NDE1: variants seen among roughly 807,000 people sequenced by gnomAD.
NDE1 encodes the protein nuclear distribution protein nudE homolog 1.
In NDE1, 28 loss-of-function variants were observed where a neutral mutation model predicts 43.4. The ratio of observed to expected loss-of-function variants is 0.65; its 90% CI spans 0.48 to 0.89. The LOEUF is 0.89. Among genes scored for constraint, NDE1 ranks in the 40% least tolerant of loss-of-function variants. The pLI, the probability that NDE1 is intolerant of heterozygous loss-of-function variation, is 0.00. For missense variants in NDE1, 441 were observed against 434.1 expected (o/e 1.02, Z -0.14); for synonymous variants, 184 against 172.0 (o/e 1.07, Z -0.55).
Position 15,725,594 on chromosome 16 carries a change from T to C in NDE1, c.*1343T>C. The C allele has an allele frequency of 2.5e-6, 1 of 406,470 alleles. No homozygotes were observed. The allele number at this position is 406,470 out of a possible 1,614,324, so 25.2% of individuals were successfully genotyped here. On this transcript the variant is annotated 3_prime_UTR_variant, in exon 9 of 9. Coordinates refer to ENST00000396354, the MANE Select transcript of NDE1 (RefSeq NM_017668.3). Reference sequence around the variant, plus strand: ...TTAGCCTACCCCTCCATCTCTTCCATTGACAAGGAGGATATGAATGATCTT... The same window carrying C: ...TTAGCCTACCCCTCCATCTCTTCCACTGACAAGGAGGATATGAATGATCTT...
chr16:15,659,714 G>A (rs1167886522), intron 1 of NDE1, among the ~76,000 whole-genome samples: 2 of 149,702 alleles, frequency 1.3e-5, no homozygotes, highest in African/African-American at 5.0e-5. Context: ...TGGGATTACA[G>A]GTGTGAGCCA....
intron 8 of NDE1, among the ~76,000 whole-genome samples, chr16:15,704,376 T>G (rs2039340371): frequency 6.6e-6 from 1 of 152,140 alleles, no homozygotes; most frequent in Non-Finnish European, 1.5e-5. Flanking sequence ...GAGAAGGTTT[T>G]TCAAAGCAAG....
At chr16:15,681,197 T>C (rs1038253259) in intron 4 of NDE1, among the ~76,000 whole-genome samples, 1 of 149,556 alleles carries the variant, frequency 6.7e-6, no homozygotes, top group Non-Finnish European at 1.5e-5. Context: ...AGTTCAATTT[T>C]ATTTTTATTT....
chr16:15,697,064 T>G, intron 8 of NDE1: 2 of 1,487,010 alleles, frequency 1.3e-6, no homozygotes, highest in Non-Finnish European at 1.8e-6. Flanking sequence ...GGTCTTGTTT[T>G]GTGAGACAGG....
intron 4 of NDE1, chr16:15,686,562 C>A: frequency 1.0e-6 from 1 of 984,366 alleles, no homozygotes; most frequent in Non-Finnish European, 1.2e-6. Context: ...CCTGTAATCT[C>A]AGTAACTCAG....
chr16:15,690,999 G>A (rs2038720827), intron 5 of NDE1, 145 bp from the exon 6 acceptor site: 2 of 888,516 alleles, frequency 2.3e-6, no homozygotes, highest in African/African-American at 1.7e-5. Context: ...ATAGAGATGA[G>A]GTTTCACCAT....
chr16:15,677,642 G>A (rs1187275849), intron 3 of NDE1, among the ~76,000 whole-genome samples, 159 bp from the exon 4 acceptor site: 1 of 151,572 alleles, frequency 6.6e-6, no homozygotes, highest in Non-Finnish European at 1.5e-5. Context: ...GGAGTGGAGT[G>A]TTACAGTCAT....
intron 4 of NDE1, among the ~76,000 whole-genome samples, chr16:15,680,924 T>G (rs2038142009): frequency 6.6e-6 from 1 of 152,102 alleles, no homozygotes; most frequent in African/African-American, 2.4e-5. Context: ...CTTTGTCTAT[T>G]GTATCATTTT....
chr16:15,714,906 C>T (rs1486512665), intron 8 of NDE1: 1 of 1,613,696 alleles, frequency 6.2e-7, no homozygotes, highest in Admixed American at 1.7e-5. Flanking sequence ...ACGGGCTCCT[C>T]ACCTGAGCTT....
chr16:15,719,336 C>T (rs766622779), intron 8 of NDE1: 2 of 1,605,900 alleles, frequency 1.2e-6, no homozygotes, highest in Non-Finnish European at 1.7e-6. Context: ...AGGCTGTTGT[C>T]TGCCAGGGAA....
intron 3 of NDE1, 82 bp downstream of exon 3, chr16:15,667,521 C>G: frequency 1.9e-6 from 3 of 1,540,126 alleles, no homozygotes; most frequent in Non-Finnish European, 2.7e-6. Context: ...AGAAGGAACC[C>G]TGCAATGAGG....
At chr16:15,719,035 G>A (rs2040322753) in intron 8 of NDE1, 4 of 656,836 alleles carry the variant, frequency 6.1e-6, no homozygotes, top group African/African-American at 5.3e-5. Flanking sequence ...GGCTGAGGCA[G>A]GAGAATTGCT....
intron 3 of NDE1, among the ~76,000 whole-genome samples, chr16:15,671,307 C>T (rs1450835625): frequency 6.6e-6 from 1 of 151,838 alleles, no homozygotes; most frequent in Non-Finnish European, 1.5e-5. Flanking sequence ...AGTTCAAGGC[C>T]AGCCTGGGCA....
intron 6 of NDE1, among the ~76,000 whole-genome samples, chr16:15,693,163 G>A (rs898550861): frequency 3.3e-5 from 5 of 152,038 alleles, no homozygotes; most frequent in Non-Finnish European, 7.4e-5. Context: ...CTGTTACCAT[G>A]CCCAGCTAAT....
chr16:15,676,870 C>T (rs2037908239), intron 3 of NDE1, among the ~76,000 whole-genome samples: 2 of 152,120 alleles, frequency 1.3e-5, no homozygotes, highest in African/African-American at 4.8e-5. Flanking sequence ...CTCTGTGAGC[C>T]GGGCTGGTGA....
At chr16:15,678,212 G>C (rs1430333570) in intron 4 of NDE1, among the ~76,000 whole-genome samples, 1 of 152,132 alleles carries the variant, frequency 6.6e-6, no homozygotes, top group African/African-American at 2.4e-5. Flanking sequence ...GCCTGGGAGC[G>C]TCAGGCGAGC....
chr16:15,697,074 G>C (rs1227899465), intron 8 of NDE1: 1 of 1,471,636 alleles, frequency 6.8e-7, no homozygotes, highest in Admixed American at 2.3e-5. Context: ...TGTGAGACAG[G>C]GTCTCACTCT....
chr16:15,708,066 A>C (rs1327313505), intron 8 of NDE1, among the ~76,000 whole-genome samples: 2 of 151,618 alleles, frequency 1.3e-5, no homozygotes, highest in Admixed American at 1.3e-4. Flanking sequence ...TCCACTCCCC[A>C]GTCCCTGAAC....
chr16:15,705,369 G>C (rs988600331), intron 8 of NDE1, among the ~76,000 whole-genome samples: 1 of 152,164 alleles, frequency 6.6e-6, no homozygotes, highest in Non-Finnish European at 1.5e-5. Flanking sequence ...TCTCTCTTGA[G>C]TTTATCACCT....
Sources: gnomAD v4.1 joint callset for allele counts (sites outside exome capture counted in the v4.1 genomes callset) on GRCh38, gnomAD v4.1.1 for gene constraint, MANE v1.5 for transcripts, NCBI Gene and HGNC (gene_info 2026-07-23, HGNC 2026-07-21) for gene names.